The following PKIB variants were observed in gnomAD, a reference collection of about 807,000 sequenced individuals.
The protein encoded by PKIB is cAMP-dependent protein kinase inhibitor beta, also known as PKI-beta.
Under a neutral mutation model 4.5 loss-of-function variants are expected in PKIB, and 2 were observed. The observed-to-expected ratio is 0.44, with a 90% confidence interval of 0.18 to 1.39. The LOEUF (loss-of-function observed/expected upper bound fraction) is 1.39, where lower values mean the gene tolerates loss of function less well. PKIB is among the 40% of genes most tolerant of loss of function. The probability of loss-of-function intolerance (pLI) is 0.27; values close to 1 mark genes in which losing one functional copy is unlikely to be tolerated. For synonymous variants in PKIB, 38 were observed against 36.0 expected (o/e 1.06, Z -0.20); for missense variants, 94 against 92.6 (o/e 1.02, Z -0.06).
intron 3 of PKIB, among the ~76,000 whole-genome samples, chr6:122,697,645 G>A (rs1778629729): frequency 6.6e-6 from 1 of 152,108 alleles, no homozygotes; most frequent in African/African-American, 2.4e-5. Context: ...AGGGGGTAGA[G>A]GGACATTTGT....
intron 2 of PKIB, among the ~76,000 whole-genome samples, chr6:122,507,697 A>G (rs957404818): frequency 6.9e-6 from 1 of 145,752 alleles, no homozygotes; most frequent in Admixed American, 6.9e-5. Context: ...AATTTTGTTT[A>G]TGGTAGAGTT....
Position 122,486,928 on chromosome 6 carries a change from GCTGT to G in PKIB, c.-248+8996_-248+8999del, listed in dbSNP as rs201072049. Among the ~76,000 whole-genome samples, 807 of 140,248 alleles carry G rather than the reference GCTGT, an allele frequency of 5.8e-3. 12 individuals carry two copies. The highest frequency in any genetic ancestry group is 0.049 in the East Asian group (224 of 4,538). The allele number at this position is 140,248 out of a possible 152,430, so 92.0% of individuals were successfully genotyped here. A position where few individuals can be genotyped will look rare whatever the true frequency, so the allele number is the denominator to read the frequency against. On this transcript the variant is annotated intron_variant, in intron 2 of 6. Transcript: ENST00000392491. ...CAAATGTTAACCTTTTGCCACACTT[GCTGT>G]CTGTCTATCTATCTATCTAACTACT...
intron 2 of PKIB, among the ~76,000 whole-genome samples, chr6:122,504,161 G>A (rs1776330750): frequency 6.6e-6 from 1 of 151,982 alleles, no homozygotes; most frequent in African/African-American, 2.4e-5. Flanking sequence ...TTTTTTATGA[G>A]GCTTTATTAC....
intron 3 of PKIB, among the ~76,000 whole-genome samples, chr6:122,717,311 G>A (rs1002890336): frequency 6.6e-6 from 1 of 152,094 alleles, no homozygotes; most frequent in Non-Finnish European, 1.5e-5. Flanking sequence ...GAGATAAAGT[G>A]GAATTTCTTA....
At chr6:122,622,696 T>C (rs1274813749) in intron 1 of PKIB, among the ~76,000 whole-genome samples, 2 of 149,600 alleles carry the variant, frequency 1.3e-5, no homozygotes, top group Non-Finnish European at 3.0e-5. Flanking sequence ...CCCCATGGCA[T>C]TTTGCAGTAG....
At chr6:122,627,915 ACT>A (rs1227984079) in intron 1 of PKIB, among the ~76,000 whole-genome samples, 1 of 152,136 alleles carries the variant, frequency 6.6e-6, no homozygotes, top group Non-Finnish European at 1.5e-5. Flanking sequence ...AAATAAGTAA[ACT>A]CATACAAGAT....
chr6:122,556,408 G>A (rs748482771), intron 2 of PKIB, among the ~76,000 whole-genome samples: 4 of 152,114 alleles, frequency 2.6e-5, no homozygotes, highest in African/African-American at 7.2e-5. Context: ...ACAAAAAGGC[G>A]GCACAACAAC....
chr6:122,582,546 TC>T (rs1198099952), intron 2 of PKIB, among the ~76,000 whole-genome samples: 2 of 152,116 alleles, frequency 1.3e-5, no homozygotes, highest in Non-Finnish European at 2.9e-5. Flanking sequence ...AACATGTCCC[TC>T]AAAGAGGTTG....
chr6:122,605,650 G>A (rs1389971769), upstream of PKIB, among the ~76,000 whole-genome samples: 1 of 152,058 alleles, frequency 6.6e-6, no homozygotes, highest in Non-Finnish European at 1.5e-5. Context: ...TATGTCCTCT[G>A]GAATGGAGAG....
At chr6:122,691,231 T>C (rs11154107) in intron 3 of PKIB, among the ~76,000 whole-genome samples, 72,929 of 151,816 alleles carry the variant, frequency 0.48, 18,279 homozygotes, top group Non-Finnish European at 0.56. Context: ...ATATTTTTGT[T>C]TAGGTTTGAG....
At chr6:122,492,049 TA>T (rs1360733501) in intron 2 of PKIB, among the ~76,000 whole-genome samples, 2 of 152,176 alleles carry the variant, frequency 1.3e-5, no homozygotes, top group Non-Finnish European at 2.9e-5. Flanking sequence ...TTGGAGGTTT[TA>T]TTCAGAGGCT....
chr6:122,561,986 TTG>T (rs1773026436), intron 2 of PKIB, among the ~76,000 whole-genome samples: 2 of 131,048 alleles, frequency 1.5e-5, no homozygotes, highest in Admixed American at 1.6e-4. Context: ...TTTTTTTTGT[TTG>T]TTTTTGTTTT....
intron 2 of PKIB, among the ~76,000 whole-genome samples, chr6:122,579,722 A>G (rs1438690228): frequency 6.6e-6 from 1 of 152,228 alleles, no homozygotes; most frequent in African/African-American, 2.4e-5. Flanking sequence ...ATGTATCAAG[A>G]TCAGGTTGTA....
At chr6:122,549,606 A>G (rs1260130406) in intron 2 of PKIB, among the ~76,000 whole-genome samples, 1 of 152,038 alleles carries the variant, frequency 6.6e-6, no homozygotes, top group Non-Finnish European at 1.5e-5. Context: ...GAAAAATAAC[A>G]TTTTTGACTA....
chr6:122,591,747 T>C (rs1309874789), intron 3 of PKIB, among the ~76,000 whole-genome samples: 1 of 152,142 alleles, frequency 6.6e-6, no homozygotes, highest in African/African-American at 2.4e-5. Flanking sequence ...AATCTCACTC[T>C]GTTGCCCAGG....
intron 3 of PKIB, among the ~76,000 whole-genome samples, chr6:122,696,301 A>G (rs940632440): frequency 6.6e-6 from 1 of 152,166 alleles, no homozygotes; most frequent in African/African-American, 2.4e-5. Context: ...CTGGGAAGGG[A>G]AATGAGTCAT....
At chr6:122,721,821 G>A (rs1779757150) in intron 4 of PKIB, among the ~76,000 whole-genome samples, 1 of 150,026 alleles carries the variant, frequency 6.7e-6, no homozygotes, top group African/African-American at 2.5e-5. Flanking sequence ...ATATATATAT[G>A]AGAAATGTTT....
At chr6:122,547,966 C>G (rs1490301761) in intron 2 of PKIB, among the ~76,000 whole-genome samples, 1 of 152,130 alleles carries the variant, frequency 6.6e-6, no homozygotes, top group African/African-American at 2.4e-5. Flanking sequence ...ACCTTACACT[C>G]CAAACGCTAG....
intron 2 of PKIB, among the ~76,000 whole-genome samples, chr6:122,496,458 C>T (rs1266933445): frequency 2.0e-5 from 3 of 152,116 alleles, no homozygotes; most frequent in Non-Finnish European, 4.4e-5. Flanking sequence ...AAATCCAACA[C>T]AAGATTTAAA....
Sources: allele counts gnomAD v4.1 joint callset (sites outside exome capture counted in the v4.1 genomes callset), GRCh38; gene constraint gnomAD v4.1.1; transcripts MANE v1.5; gene names NCBI Gene and HGNC (gene_info 2026-07-23, HGNC 2026-07-21).